The following PEAK1 variants were observed in gnomAD, a reference collection of about 807,000 sequenced individuals.
PEAK1 encodes the protein inactive tyrosine-protein kinase PEAK1.
In PEAK1, 54 loss-of-function variants were observed where a neutral mutation model predicts 124.7. The observed-to-expected ratio is 0.43, with a 90% confidence interval of 0.35 to 0.54. The LOEUF is 0.54. PEAK1 is among the 20% of genes least tolerant of loss of function. The pLI, the probability that PEAK1 is intolerant of heterozygous loss-of-function variation, is 0.01. For synonymous variants in PEAK1, 719 were observed against 760.0 expected (o/e 0.95, Z 0.89); for missense variants, 2,046 against 2,134.5 (o/e 0.96, Z 0.82).
downstream of PEAK1, chr15:77,107,753 T>C (rs1045637913): frequency 1.3e-5 from 2 of 152,300 alleles, no homozygotes; most frequent in Admixed American, 1.3e-4. Context: ...CCCGCTCATA[T>C]TACCTGAATA....
intron 1 of PEAK1, among the ~76,000 whole-genome samples, chr15:77,375,772 G>T (rs984177109): frequency 1.3e-5 from 2 of 152,076 alleles, no homozygotes; most frequent in Non-Finnish European, 2.9e-5. Flanking sequence ...GAGGCGGGTG[G>T]ATCACGAAGT....
intron 2 of PEAK1, among the ~76,000 whole-genome samples, chr15:77,292,113 C>T (rs2063249576): frequency 6.6e-6 from 1 of 152,026 alleles, no homozygotes; most frequent in Non-Finnish European, 1.5e-5. Context: ...CACACACACA[C>T]AATGATTCTT....
At chr15:77,290,740 G>A (rs2063172156) in intron 2 of PEAK1, among the ~76,000 whole-genome samples, 1 of 151,960 alleles carries the variant, frequency 6.6e-6, no homozygotes, top group Non-Finnish European at 1.5e-5. Flanking sequence ...TTTTTGTAGA[G>A]ATGGGGTTTT....
At chr15:77,235,004 C>G (rs550047764) in intron 6 of PEAK1, among the ~76,000 whole-genome samples, 1 of 152,170 alleles carries the variant, frequency 6.6e-6, no homozygotes, top group Admixed American at 6.5e-5. Context: ...CCCTTGCTTG[C>G]ACTTCCTCTC....
At chr15:77,370,724 T>G in intron 1 of PEAK1, 1 of 985,074 alleles carries the variant, frequency 1.0e-6, no homozygotes. Flanking sequence ...AGATAACTTT[T>G]GTGAACATAA....
At position 77,264,292 on chromosome 15, in the gene PEAK1, T is replaced by A. The variant is rs1327105102; in HGVS notation, c.-274-11766A>T. The stretch of plus-strand genomic sequence containing the variant: ...GGAGAAGGAAATAAAGGGTATTCAA[T>A]TAGGAAAAGAGGAAGTCAAATTGTC... On this transcript the variant is annotated intron_variant, in intron 5 of 9. Transcript: ENST00000682557. Among the ~76,000 whole-genome samples the A allele has an allele frequency of 6.6e-5, 10 of 152,108 alleles. No individual in the cohort carries two copies. The East Asian group carries it at 1.7e-3, about 26-fold the overall frequency.
At chr15:77,418,919 T>C in intron 1 of PEAK1, 1 of 985,422 alleles carries the variant, frequency 1.0e-6, no homozygotes, top group Non-Finnish European at 1.2e-6. Flanking sequence ...TGAAAAGCTG[T>C]TCACGTACAT....
At chr15:77,225,364 C>A (rs1056938034) in intron 6 of PEAK1, among the ~76,000 whole-genome samples, 13 of 151,876 alleles carry the variant, frequency 8.6e-5, no homozygotes, top group African/African-American at 2.9e-4. Context: ...TTTGTATGTT[C>A]ACACAAAACC....
chr15:77,328,105 G>A (rs1198332408), intron 2 of PEAK1, among the ~76,000 whole-genome samples: 2 of 152,042 alleles, frequency 1.3e-5, no homozygotes, highest in African/African-American at 4.8e-5. Context: ...TCACTTTACA[G>A]TATACCACAT....
rs372755283 is a variant in PEAK1 at position 77,183,644 on chromosome 15, CA to C, written c.-114-1605del. On this transcript the variant is annotated intron_variant, in intron 6 of 9. Coordinates refer to ENST00000682557, the MANE Select transcript of PEAK1 (RefSeq NM_001385026.1). ...TTTGCCTTTTATCAAAAACATTTGC[CA>C]AAAAAAAAATGACAAGAGAATGAAG... is the stretch of plus-strand genomic sequence containing the variant. 2.1e-3 allele frequency among the ~76,000 whole-genome samples: 295 copies of C among 141,114 alleles called. 2 individuals carry two copies. The highest frequency in any genetic ancestry group is 5.0e-3 in the African/African-American group (191 of 38,458). 92.6% of individuals were successfully genotyped at this position (141,114 alleles called of 152,430 possible).
At chr15:77,342,655 C>T (rs530483060) in intron 2 of PEAK1, among the ~76,000 whole-genome samples, 15 of 152,232 alleles carry the variant, frequency 9.9e-5, no homozygotes, top group East Asian at 1.9e-4. Context: ...GCAATCCTCC[C>T]GCCTTGTCCT....
intron 5 of PEAK1, among the ~76,000 whole-genome samples, chr15:77,260,155 G>T (rs2061365816): frequency 6.6e-6 from 1 of 152,030 alleles, no homozygotes; most frequent in Admixed American, 6.6e-5. Flanking sequence ...CAATCAGCAG[G>T]GTCCCCAGAA....
chr15:77,274,857 C>T (rs2062227831), intron 5 of PEAK1, among the ~76,000 whole-genome samples: 1 of 152,126 alleles, frequency 6.6e-6, no homozygotes, highest in Non-Finnish European at 1.5e-5. Context: ...AAAAAAGATA[C>T]TTGCACATGC....
At chr15:77,159,618 AT>A (rs2055452967) in intron 7 of PEAK1, among the ~76,000 whole-genome samples, 1 of 152,030 alleles carries the variant, frequency 6.6e-6, no homozygotes, top group Non-Finnish European at 1.5e-5. Context: ...TTCATTAGCT[AT>A]TTTTCCTGGT....
chr15:77,385,889 G>A (rs904861986), intron 1 of PEAK1, among the ~76,000 whole-genome samples: 12 of 152,178 alleles, frequency 7.9e-5, no homozygotes, highest in Non-Finnish European at 1.8e-4. Context: ...ATATGAAGAA[G>A]GAAGGAGCCT....
intron 2 of PEAK1, among the ~76,000 whole-genome samples, chr15:77,342,104 A>C (rs960865297): frequency 3.3e-5 from 5 of 151,688 alleles, no homozygotes; most frequent in South Asian, 2.1e-4. Context: ...AACACAAAAC[A>C]ACCATTTAAT....
intron 1 of PEAK1, chr15:77,371,287 A>G: frequency 3.2e-6 from 3 of 932,198 alleles, no homozygotes; most frequent in Non-Finnish European, 3.8e-6. Flanking sequence ...TGAATTAATA[A>G]TATTGGAACA....
intron 1 of PEAK1, among the ~76,000 whole-genome samples, chr15:77,365,650 G>T (rs2068172210): frequency 6.7e-6 from 1 of 149,446 alleles, no homozygotes; most frequent in South Asian, 2.1e-4. Flanking sequence ...TGAGGCAGGA[G>T]AAACGCTTGA....
At chr15:77,415,045 A>G (rs572233801) in intron 1 of PEAK1, among the ~76,000 whole-genome samples, 1 of 152,352 alleles carries the variant, frequency 6.6e-6, no homozygotes, top group South Asian at 2.1e-4. Flanking sequence ...TCTTACAAAC[A>G]AGGAGAGTAA....
Sources: allele counts gnomAD v4.1 joint callset (sites outside exome capture counted in the v4.1 genomes callset), GRCh38; gene constraint gnomAD v4.1.1; transcripts MANE v1.5; gene names NCBI Gene and HGNC (gene_info 2026-07-23, HGNC 2026-07-21).